The following PHC3 variants were observed in gnomAD, a reference collection of about 807,000 sequenced individuals.
PHC3 encodes polyhomeotic homolog 3, also known as polyhomeotic-like protein 3.
PHC3 carries 13 observed loss-of-function variants against 107.4 expected under a neutral mutation model. The observed-to-expected ratio is 0.12, with a 90% CI of 0.08 to 0.19. PHC3 has a LOEUF of 0.19. Ranked by LOEUF, PHC3 falls within the 10% of genes least tolerant of loss-of-function variation. The pLI is 1.00. For missense variants in PHC3, 992 were observed against 1,210.9 expected (o/e 0.82, Z 2.68); for synonymous variants, 456 against 427.4 (o/e 1.07, Z -0.83).
chr3:170,175,069 T>C (rs1418752838), intron 2 of PHC3, among the ~76,000 whole-genome samples: 1 of 152,248 alleles, frequency 6.6e-6, no homozygotes. Flanking sequence ...ATACAAGTTA[T>C]AGATACAGCA....
intron 11 of PHC3, 31 bp from the exon 12 acceptor site, chr3:170,106,977 G>T (rs769965940): frequency 9.1e-6 from 14 of 1,532,248 alleles, no homozygotes; most frequent in Admixed American, 4.1e-5. Context: ...GGAAAAAAAG[G>T]TTCCAAAAAT....
intron 8 of PHC3, among the ~76,000 whole-genome samples, chr3:170,124,829 T>A (rs927335175): frequency 6.6e-6 from 1 of 152,122 alleles, no homozygotes; most frequent in Admixed American, 6.6e-5. Flanking sequence ...GCAAAACCCA[T>A]GTGTTGTAAA....
intron 4 of PHC3, among the ~76,000 whole-genome samples, chr3:170,153,950 C>T (rs936635683): frequency 1.1e-4 from 16 of 152,046 alleles, no homozygotes; most frequent in African/African-American, 3.4e-4. Context: ...TCCTTGCCAC[C>T]GCCATGTCCC....
At position 170,097,743 on chromosome 3, in the gene PHC3, T is replaced by C. The variant is rs572441765; in HGVS notation, c.2834-359A>G. ...GTTTGGGTTAACTAGTTATACCTCA[T>C]GCACTTATCTCTGTATAATATATCC... On this transcript the variant is annotated intron_variant, in intron 14 of 14. Transcript: ENST00000495893. This position sits in a 1 kb window ranked among gnomAD's most constrained non-coding sequence, Gnocchi z 4.1. Among the ~76,000 whole-genome samples, 1 of 152,196 alleles carries C rather than the reference T, an allele frequency of 6.6e-6. No individual in the cohort carries two copies. The highest frequency in any genetic ancestry group is 2.4e-5 in the African/African-American group (1 of 41,450).
intron 4 of PHC3, among the ~76,000 whole-genome samples, chr3:170,153,607 CA>C (rs1315744960): frequency 1.3e-5 from 2 of 151,758 alleles, no homozygotes; most frequent in Non-Finnish European, 2.9e-5. Flanking sequence ...ACTAAAAATA[CA>C]AAAAAATAGC....
intron 11 of PHC3, among the ~76,000 whole-genome samples, chr3:170,111,394 GAGGAAGGAAGGA>G (rs750463123): frequency 3.5e-4 from 50 of 142,002 alleles, no homozygotes; most frequent in Non-Finnish European, 6.9e-4. Flanking sequence ...GAGAAAGAAA[GAGGAAGGAAGGA>G]AGGAAGGAAG....
intron 6 of PHC3, among the ~76,000 whole-genome samples, chr3:170,138,443 T>C (rs970951795): frequency 1.3e-5 from 2 of 151,666 alleles, no homozygotes; most frequent in African/African-American, 4.8e-5. Flanking sequence ...TGTAATCCCA[T>C]CACTTTGGGA....
chr3:170,133,566 T>A (rs1722594348), intron 7 of PHC3, among the ~76,000 whole-genome samples: 1 of 152,220 alleles, frequency 6.6e-6, no homozygotes, highest in South Asian at 2.1e-4. Context: ...TGGCTTTGAA[T>A]AACTGCAGTG....
Position 170,128,794 on chromosome 3 carries a change from G to C in PHC3, c.1678C>G (p.Leu560Val). 1 of 1,613,986 alleles carries C rather than the reference G, an allele frequency of 6.2e-7. No homozygotes were observed. Among genetic ancestry groups the C allele is most frequent in the South Asian group, 1.1e-5 (1 of 91,086 alleles). ...VQNALVSEEE[L>V]PAAEALVQLP... Reference sequence around the variant, plus strand: ...TGGACCAAAGCTTCTGCAGCTGGAAGTTCCTCTTCTGACACCAAAGCATTC... The same window carrying C: ...TGGACCAAAGCTTCTGCAGCTGGAACTTCCTCTTCTGACACCAAAGCATTC... The change falls in exon 8 of 15, where the codon CTT becomes GTT. Residue 560 changes from leucine (L) to valine (V), a missense_variant. Transcript: ENST00000495893.
chr3:170,109,112 T>C (rs1286881712), intron 11 of PHC3, among the ~76,000 whole-genome samples: 1 of 152,196 alleles, frequency 6.6e-6, no homozygotes, highest in East Asian at 1.9e-4. Context: ...TTTACATTTA[T>C]GAATTAGAAA....
At chr3:170,127,804 CT>C (rs1721590255) in intron 8 of PHC3, among the ~76,000 whole-genome samples, 1 of 152,054 alleles carries the variant, frequency 6.6e-6, no homozygotes, top group South Asian at 2.1e-4. Context: ...AATTAGAGAC[CT>C]TATTTCAGTT....
chr3:170,136,922 A>G (rs918093834), intron 6 of PHC3, among the ~76,000 whole-genome samples: 1 of 151,814 alleles, frequency 6.6e-6, no homozygotes, highest in African/African-American at 2.4e-5. Context: ...AAAAAAAGAA[A>G]GGAAGAGAGG....
Position 170,128,741 on chromosome 3 carries a change from T to C in PHC3, c.1731A>G (p.Pro577=). ...VQLPFQTLPP[P]QTVAVNLQVQ... ...CTTGTAGGTTTACCGCAACAGTCTG[T>C]GGAGGAGGAAGAGTCTGAAATGGCA... is the stretch of plus-strand genomic sequence containing the variant. The change falls in exon 8 of 15, where the codon CCA becomes CCG. Residue 577 remains proline, a synonymous_variant. Transcript: ENST00000495893. 1 of 1,613,944 alleles carries C rather than the reference T, an allele frequency of 6.2e-7. No homozygotes were observed. Among genetic ancestry groups the C allele is most frequent in the African/African-American group, 1.3e-5 (1 of 75,030 alleles).
At chr3:170,126,096 T>A (rs757399149) in intron 8 of PHC3, 1 of 362,418 alleles carries the variant, frequency 2.8e-6, no homozygotes, top group African/African-American at 2.2e-5. Context: ...TTCTTAAGTA[T>A]CTTAAAAAAC....
intron 11 of PHC3, among the ~76,000 whole-genome samples, chr3:170,108,166 CAAAAGCATTTTACTG>C (rs1192048334): frequency 6.6e-6 from 1 of 152,090 alleles, no homozygotes; most frequent in African/African-American, 2.4e-5. Flanking sequence ...AAAAAAGCAA[CAAAAGCATTTTACTG>C]AAAAGCATTT....
At position 170,122,677 on chromosome 3, in the gene PHC3, T is replaced by C. The variant is rs1344372868; in HGVS notation, c.1856A>G (p.Asp619Gly). 6.2e-7 allele frequency: 1 copy of C among 1,614,000 alleles called. No homozygotes were observed. The highest frequency in any genetic ancestry group is 1.7e-5 in the Admixed American group (1 of 60,012). Residue 619 changes from aspartate (D) to glycine (G), a missense_variant, in exon 9 of 15, where the codon GAT becomes GGT. Physicochemically the swap from Asp to Gly is moderately conservative, Grantham distance 94. Coordinates refer to ENST00000495893, the MANE Select transcript of PHC3 (RefSeq NM_024947.4). ...PEESDECVRM[D>G]RTPPPPTLSP... Reference sequence around the variant, plus strand: ...CAAAGTGGGTGGTGGTGGGGTTCTATCCATCCGGACACATTCATCTGACTC... The same window carrying C: ...CAAAGTGGGTGGTGGTGGGGTTCTACCCATCCGGACACATTCATCTGACTC...
rs1403909382 is a variant in PHC3, at chr3:170,172,628, T to G, written c.265A>C (p.Met89Leu). The G allele has an allele frequency of 6.2e-7, 1 of 1,613,612 alleles. No homozygotes were observed. The highest frequency in any genetic ancestry group is 8.5e-7 in the Non-Finnish European group (1 of 1,179,838). The change falls in exon 3 of 15, where the codon ATG becomes CTG. Residue 89 changes from methionine (M) to leucine (L), a missense_variant. This residue lies in a region of PHC3 where 161 missense variants were observed against 183.7 expected (regional missense o/e 0.88). Coordinates refer to ENST00000495893, the MANE Select transcript of PHC3 (RefSeq NM_024947.4). ...QMYAAQQQHLMLHTAALQQQH... is the reference protein window; with the variant it reads ...QMYAAQQQHLLLHTAALQQQH... ...TGCTGAAGAGCTGCAGTATGCAGCA[T>G]CAAGTGCTGTTGTTGGGCTGCATAC...
At position 170,093,944 on chromosome 3, in the gene PHC3, C is replaced by T. The variant is rs1714376127; in HGVS notation, c.*3286G>A. ...TTCACTTCAAAAGTGCAGAAATGTG[C>T]TCAGTGTTGAAGTAGGCTAAGCTAA... On this transcript the variant is annotated 3_prime_UTR_variant, in exon 15 of 15. Coordinates refer to ENST00000495893, the MANE Select transcript of PHC3 (RefSeq NM_024947.4). 1 of 152,132 alleles carries T rather than the reference C, an allele frequency of 6.6e-6. No individual in the cohort carries two copies. Among genetic ancestry groups the T allele is most frequent in the Non-Finnish European group, 1.5e-5 (1 of 68,024 alleles). The allele number at this position is 152,132 out of a possible 1,614,324, so 9.4% of individuals were successfully genotyped here.
chr3:170,181,415 G>C (rs1181672547), intron 1 of PHC3, among the ~76,000 whole-genome samples: 2 of 152,138 alleles, frequency 1.3e-5, no homozygotes, highest in African/African-American at 2.4e-5. Flanking sequence ...TCGTTCCCCG[G>C]AAAACCCCAG....
Sources: gnomAD v4.1 joint callset for allele counts (sites outside exome capture counted in the v4.1 genomes callset) on GRCh38, gnomAD v4.1.1 for gene constraint, gnomAD v4.1.1 regional missense constraint, Gnocchi (gnomAD v3.1) non-coding constraint, MANE v1.5 for transcripts, NCBI Gene and HGNC (gene_info 2026-07-23, HGNC 2026-07-21) for gene names.